Variants in DHX35 observed in about 807,000 individuals in gnomAD.
DHX35 encodes probable ATP-dependent RNA helicase DHX35.
DHX35 carries 84 observed loss-of-function variants against 99.6 expected under a neutral mutation model. That is an observed-to-expected ratio of 0.84 (90% CI 0.71 to 1.01). DHX35 has a LOEUF of 1.01. Ranked by LOEUF, DHX35 falls within the 50% of genes least tolerant of loss-of-function variation. The pLI, the probability that DHX35 is intolerant of heterozygous loss-of-function variation, is 0.00. For synonymous variants in DHX35, 331 were observed against 316.2 expected, an observed-to-expected ratio of 1.05 and a Z score of -0.50; for missense variants, 852 against 888.5, an observed-to-expected ratio of 0.96 and a Z score of 0.52.
Position 38,994,430 on chromosome 20 carries a change from CATTT to C in DHX35, c.583-387_583-384del, listed in dbSNP as rs2086392449. ...TGCCATATTTCTGTCTTGGTGTTAT[CATTT>C]ATTGTTTGTTTGCTTTTAATATACT... On this transcript the variant is annotated intron_variant, in intron 7 of 21. Transcript: ENST00000252011. 2.6e-5 allele frequency among the ~76,000 whole-genome samples: 4 copies of C among 151,240 alleles called. No individual in the cohort carries two copies. The East Asian group carries it at 7.7e-4, about 29-fold the overall frequency.
chr20:38,978,459 G>T, intron 3 of DHX35: 1 of 552,008 alleles, frequency 1.8e-6, no homozygotes, highest in Non-Finnish European at 3.3e-6. Flanking sequence ...AGAGAAGGCG[G>T]ATGGAGATAA....
intron 11 of DHX35, among the ~76,000 whole-genome samples, chr20:39,005,705 C>G (rs1728029987): frequency 6.6e-6 from 1 of 152,070 alleles, no homozygotes; most frequent in African/African-American, 2.4e-5. Flanking sequence ...CATCCCAGCA[C>G]CTTGAACAGT....
intron 4 of DHX35, among the ~76,000 whole-genome samples, chr20:38,986,476 A>C (rs191184075): frequency 1.3e-5 from 2 of 152,328 alleles, no homozygotes; most frequent in African/African-American, 4.8e-5. Flanking sequence ...TAAAATGATT[A>C]TATTTTTACA....
chr20:38,967,174 G>GT (rs2085924044), intron 1 of DHX35, among the ~76,000 whole-genome samples: 1 of 152,134 alleles, frequency 6.6e-6, no homozygotes, highest in African/African-American at 2.4e-5. Context: ...ATTCTGGTGT[G>GT]TTTTTTAGGA....
At chr20:39,022,253 C>G (rs1460723791) in intron 16 of DHX35, among the ~76,000 whole-genome samples, 1 of 152,136 alleles carries the variant, frequency 6.6e-6, no homozygotes, top group South Asian at 2.1e-4. Flanking sequence ...TGCACTCTGC[C>G]TCCCAGGTTC....
chr20:38,962,570 G>A, intron 1 of DHX35, 163 bp downstream of exon 1: 1 of 814,588 alleles, frequency 1.2e-6, no homozygotes, highest in South Asian at 1.8e-5. Flanking sequence ...GCTCCCCAGT[G>A]GTCCCGAGGG....
intron 5 of DHX35, among the ~76,000 whole-genome samples, chr20:38,990,673 G>T (rs1431990223): frequency 6.6e-6 from 1 of 152,130 alleles, no homozygotes; most frequent in Non-Finnish European, 1.5e-5. Context: ...ATCTAGAGAT[G>T]ATTTAAAATA....
chr20:39,001,616 T>C (rs2086521091), intron 8 of DHX35, 114 bp from the exon 9 acceptor site: 1 of 715,854 alleles, frequency 1.4e-6, no homozygotes, highest in East Asian at 2.6e-5. Context: ...ATTGCACATA[T>C]ATAATCTTGC....
At chr20:39,022,992 A>C (rs1189883234) in intron 16 of DHX35, among the ~76,000 whole-genome samples, 1 of 152,038 alleles carries the variant, frequency 6.6e-6, no homozygotes, top group Non-Finnish European at 1.5e-5. Context: ...GATTGTTGGG[A>C]TCCTCCTTGT....
At chr20:39,026,855 G>A (rs2086965558) in intron 18 of DHX35, among the ~76,000 whole-genome samples, 1 of 152,182 alleles carries the variant, frequency 6.6e-6, no homozygotes. Context: ...TAGTTGGAGA[G>A]CAGCTCGTCA....
At chr20:39,008,433 GT>G (rs2086652017) in intron 12 of DHX35, among the ~76,000 whole-genome samples, 1 of 152,236 alleles carries the variant, frequency 6.6e-6, no homozygotes, top group Admixed American at 6.5e-5. Context: ...AGGAGCTCAA[GT>G]TACTTTTAAA....
intron 21 of DHX35, among the ~76,000 whole-genome samples, chr20:39,037,526 T>C (rs1342686111): frequency 6.6e-6 from 1 of 152,110 alleles, no homozygotes; most frequent in Non-Finnish European, 1.5e-5. Context: ...CTCCATTTTT[T>C]CAGGGCCTGC....
chr20:38,987,715 G>A (rs2086272158), intron 4 of DHX35, among the ~76,000 whole-genome samples: 1 of 152,042 alleles, frequency 6.6e-6, no homozygotes, highest in Non-Finnish European at 1.5e-5. Context: ...TATTTGTTAT[G>A]TTTTGATGGA....
chr20:39,018,592 A>T (rs1020915487), intron 14 of DHX35, among the ~76,000 whole-genome samples: 12 of 152,058 alleles, frequency 7.9e-5, no homozygotes, highest in African/African-American at 2.9e-4. Context: ...TCAGTTTTTT[A>T]AAAAATTGGG....
chr20:39,037,066 G>T (rs1203430772), intron 21 of DHX35, among the ~76,000 whole-genome samples: 1 of 151,974 alleles, frequency 6.6e-6, no homozygotes, highest in East Asian at 1.9e-4. Context: ...GTGGAGGCCT[G>T]AAATGGTTCA....
At chr20:38,985,258 C>G (rs184436623) in intron 4 of DHX35, among the ~76,000 whole-genome samples, 2 of 151,726 alleles carry the variant, frequency 1.3e-5, no homozygotes, top group African/African-American at 4.8e-5. Flanking sequence ...CATGCTGGCA[C>G]CTGCCTGTGG....
chr20:38,979,132 T>C (rs1205254084), intron 3 of DHX35, among the ~76,000 whole-genome samples: 4 of 152,156 alleles, frequency 2.6e-5, no homozygotes, highest in Admixed American at 2.6e-4. Flanking sequence ...CCTTCACACT[T>C]GGTCTTTTTT....
In DHX35 at chr20:39,014,892, C is replaced by T. The variant is rs760141575; in HGVS notation, c.1360C>T (p.Gln454Ter). 2 of 1,614,056 alleles carry T rather than the reference C, an allele frequency of 1.2e-6. No individual in the cohort carries two copies. Among genetic ancestry groups the T allele is most frequent in the Non-Finnish European group, 1.7e-6 (2 of 1,180,030 alleles). Residue 454 changes from glutamine to a stop codon, truncating the protein, a stop_gained, in exon 14 of 22, where the codon CAG becomes TAG. Transcript: ENST00000252011. LOFTEE classifies it high-confidence loss of function. The part of the protein sequence containing the change: ...RFHFMSPPPA[Q>*]SMVQALELLY... ...ATGTTTTTTCCAGCCCCCTCCAGCA[C>T]AGTCGATGGTTCAAGCCTTGGAGTT...
rs1175358064 is a variant in DHX35 at position 38,962,427 on chromosome 20, G to C, written c.40+20G>C. 19 of 1,610,964 alleles carry C rather than the reference G, an allele frequency of 1.2e-5. No homozygotes were observed. Among genetic ancestry groups the C allele is most frequent in the Non-Finnish European group, 1.6e-5 (19 of 1,178,546 alleles). On this transcript the variant is annotated intron_variant, in intron 1 of 21. Transcript: ENST00000252011. The stretch of plus-strand genomic sequence containing the variant: ...GACCCGGTAAGGCCCTTGGTGGAAC[G>C]CTGGGCAGATGCGGCGGCCTGACTT...
Sources: gnomAD v4.1 joint callset for allele counts (sites outside exome capture counted in the v4.1 genomes callset) on GRCh38, gnomAD v4.1.1 for gene constraint, MANE v1.5 for transcripts, NCBI Gene and HGNC (gene_info 2026-07-23, HGNC 2026-07-21) for gene names.